The following ZZEF1 variants were observed in gnomAD, a reference collection of about 807,000 sequenced individuals.
ZZEF1 encodes zinc finger ZZ-type and EF-hand domain-containing protein 1.
Under a neutral mutation model 342.8 loss-of-function variants are expected in ZZEF1, and 157 were observed. The ratio of observed to expected loss-of-function variants is 0.46; its 90% CI spans 0.40 to 0.52. The LOEUF (loss-of-function observed/expected upper bound fraction) is 0.52, where lower values mean the gene tolerates loss of function less well. Ranked by LOEUF, ZZEF1 falls within the 20% of genes least tolerant of loss-of-function variation. The pLI, the probability that ZZEF1 is intolerant of heterozygous loss-of-function variation, is 0.00. For missense variants in ZZEF1, 3,480 were observed against 3,725.6 expected, an observed-to-expected ratio of 0.93 and a Z score of 1.72; for synonymous variants, 1,505 against 1,429.1, an observed-to-expected ratio of 1.05 and a Z score of -1.20.
At chr17:4,056,088 CT>C (rs2057153126) in intron 33 of ZZEF1, 127 bp downstream of exon 33, 2 of 1,074,238 alleles carry the variant, frequency 1.9e-6, no homozygotes, top group African/African-American at 3.3e-5. Flanking sequence ...TTGGGGACCC[CT>C]TCACTAGGGT....
intron 2 of ZZEF1, among the ~76,000 whole-genome samples, chr17:4,117,417 G>T (rs572370973): frequency 5.9e-5 from 9 of 152,012 alleles, no homozygotes; most frequent in African/African-American, 1.9e-4. Context: ...AGGCCGAGGC[G>T]GACGGATGAC....
chr17:4,070,335 C>T (rs183415744), intron 26 of ZZEF1, among the ~76,000 whole-genome samples: 7 of 152,304 alleles, frequency 4.6e-5, no homozygotes, highest in African/African-American at 1.2e-4. Context: ...GCAGAAAGGT[C>T]GTCTGATTAA....
chr17:4,058,336 T>C (rs2057212198), intron 31 of ZZEF1, among the ~76,000 whole-genome samples, 181 bp from the exon 32 acceptor site: 1 of 152,158 alleles, frequency 6.6e-6, no homozygotes, highest in Non-Finnish European at 1.5e-5. Context: ...TTACACAAAA[T>C]AACTCTGAAA....
Position 4,123,936 on chromosome 17 carries a change from C to CT in ZZEF1, c.469dup (p.Arg157LysfsTer24). 6.2e-7 allele frequency: 1 copy of CT among 1,614,000 alleles called. No individual in the cohort carries two copies. Among genetic ancestry groups the CT allele is most frequent in the Non-Finnish European group, 8.5e-7 (1 of 1,180,010 alleles). On this transcript the variant is annotated frameshift_variant, in exon 2 of 55. Transcript: ENST00000381638. LOFTEE classifies it high-confidence loss of function. ...AACCAGAGAGCAGGCCTGTAGTTGT[C>CT]TGATGATGTGGCTCAGCTCCCCCTG...
intron 3 of ZZEF1, among the ~76,000 whole-genome samples, chr17:4,115,872 C>A (rs982817370): frequency 2.6e-5 from 4 of 152,066 alleles, no homozygotes; most frequent in African/African-American, 9.7e-5. Flanking sequence ...ATTTATTAAT[C>A]TTTTCTTTCA....
At chr17:4,069,294 C>T (rs895891285) in intron 26 of ZZEF1, among the ~76,000 whole-genome samples, 2 of 152,088 alleles carry the variant, frequency 1.3e-5, no homozygotes, top group African/African-American at 2.4e-5. Context: ...ACATTCCCCC[C>T]GCCAAAACCA....
At chr17:4,071,001 C>T (rs2057498344) in intron 25 of ZZEF1, 77 bp from the exon 26 acceptor site, 1 of 1,531,230 alleles carries the variant, frequency 6.5e-7, no homozygotes, top group South Asian at 1.3e-5. Context: ...ACTATTAGGC[C>T]AAAGCAGAAG....
Position 4,026,484 on chromosome 17 carries a change from CA to C in ZZEF1, c.6893-1367del, listed in dbSNP as rs373313327. On this transcript the variant is annotated intron_variant, in intron 42 of 54. Transcript: ENST00000381638. ...ACAGCAGACTTCATCCCAGAATCTA[CA>C]CAAGCCAGAAGACAATAGACAAACA... Among the ~76,000 whole-genome samples the C allele has an allele frequency of 1.9e-3, 288 of 150,774 alleles. 1 individual carries two copies. The highest frequency in any genetic ancestry group is 6.6e-3 in the African/African-American group (273 of 41,206).
chr17:4,080,641 T>G (rs937520721), intron 18 of ZZEF1, among the ~76,000 whole-genome samples: 2 of 152,136 alleles, frequency 1.3e-5, no homozygotes, highest in Non-Finnish European at 2.9e-5. Context: ...CCGCCCACCT[T>G]GGCCTCCCAA....
intron 26 of ZZEF1, among the ~76,000 whole-genome samples, chr17:4,068,207 CTGTAG>C (rs2057439935): frequency 1.3e-5 from 2 of 152,170 alleles, no homozygotes; most frequent in South Asian, 4.1e-4. Context: ...AGTGGTGAGA[CTGTAG>C]CTGATAATTA....
Position 4,058,750 on chromosome 17 carries a change from C to T in ZZEF1, c.5003+421G>A, listed in dbSNP as rs145344528. On this transcript the variant is annotated intron_variant, in intron 31 of 54. Transcript: ENST00000381638. The stretch of plus-strand genomic sequence containing the variant: ...AATTAGCCGGGCATGGTGGCATGCA[C>T]CTGCAGTCCCAACTACTTAGGAAGC... Among the ~76,000 whole-genome samples the T allele has an allele frequency of 4.5e-4, 69 of 152,274 alleles. 1 individual carries two copies. The Middle Eastern group carries it at 0.014, about 30-fold the overall frequency.
intron 28 of ZZEF1, 65 bp downstream of exon 28, chr17:4,066,382 G>C (rs2057396012): frequency 7.1e-7 from 1 of 1,407,690 alleles, no homozygotes; most frequent in Admixed American, 1.7e-5. Context: ...GTGAGTAATT[G>C]GTTTTCCAGG....
intron 54 of ZZEF1, among the ~76,000 whole-genome samples, chr17:4,007,790 G>A (rs559582509): frequency 6.6e-6 from 1 of 152,228 alleles, no homozygotes; most frequent in Admixed American, 6.5e-5. Flanking sequence ...ACACGTCAAA[G>A]CCTACAACAG....
intron 3 of ZZEF1, among the ~76,000 whole-genome samples, chr17:4,115,400 C>T (rs937371700): frequency 5.9e-5 from 9 of 152,182 alleles, no homozygotes; most frequent in African/African-American, 1.9e-4. Context: ...CAGTGGCTCA[C>T]ACCTGTAATC....
At chr17:4,032,039 G>A (rs1039760365) in intron 42 of ZZEF1, 87 bp downstream of exon 42, 57 of 1,435,354 alleles carry the variant, frequency 4.0e-5, no homozygotes, top group Non-Finnish European at 5.2e-5. Context: ...CGCAGGCCAA[G>A]AGCCAAGGTA....
chr17:4,073,607 T>C (rs79366918), intron 24 of ZZEF1, among the ~76,000 whole-genome samples: 10,262 of 152,164 alleles, frequency 0.067, 459 homozygotes, highest in Admixed American at 0.12. Flanking sequence ...GGCTAATTTT[T>C]ACATTTTTTT....
rs2145646423 is a variant in ZZEF1, at chr17:4,142,853, C to G, written c.43G>C (p.Ala15Pro). The change falls in exon 1 of 55, where the codon GCT becomes CCT. Residue 15 changes from alanine (A) to proline (P), a missense_variant. Ala to Pro is a conservative substitution (Grantham distance 27, BLOSUM62 -1). Transcript: ENST00000381638. ...PSHSSEDEAAAAGGEGWGPHQ... is the reference protein window; with the variant it reads ...PSHSSEDEAAPAGGEGWGPHQ... Reference sequence around the variant, plus strand: ...GGGCCCCAGCCCTCGCCACCGGCAGCTGCCGCTTCGTCTTCACTGCTGTGA... The same window carrying G: ...GGGCCCCAGCCCTCGCCACCGGCAGGTGCCGCTTCGTCTTCACTGCTGTGA... The G allele has an allele frequency of 1.4e-6, 2 of 1,394,884 alleles. No homozygotes were observed. The highest frequency in any genetic ancestry group is 1.8e-6 in the Non-Finnish European group (2 of 1,083,510). 86.4% of individuals were successfully genotyped at this position (1,394,884 alleles called of 1,614,324 possible). A position where few individuals can be genotyped will look rare whatever the true frequency, so the allele number is the denominator to read the frequency against.
rs923997202 is a variant in ZZEF1 at position 4,040,836 on chromosome 17, C to A, written c.6306+1593G>T. 2.5e-4 allele frequency among the ~76,000 whole-genome samples: 38 copies of A among 152,104 alleles called. 1 individual carries two copies. The highest frequency in any genetic ancestry group is 2.0e-3 in the Admixed American group (30 of 15,258). On this transcript the variant is annotated intron_variant, in intron 39 of 54. Coordinates refer to ENST00000381638, the MANE Select transcript of ZZEF1 (RefSeq NM_015113.4). ...AGCTGAGATCCAGTCAGGAAAAGGT[C>A]ACTCTTACAGTGAAATTGGTAAAAT...
Position 4,121,270 on chromosome 17 carries a change from AT to A in ZZEF1, c.499+2636del, listed in dbSNP as rs746330282. On this transcript the variant is annotated intron_variant, in intron 2 of 54. Coordinates refer to ENST00000381638, the MANE Select transcript of ZZEF1 (RefSeq NM_015113.4). ...GTGTCCAAATAAAGCTCCTGATGCTATCCACATGCTGGTAATGCAAAAGTGG... is the reference window on the plus strand; with the variant it reads ...GTGTCCAAATAAAGCTCCTGATGCTACCACATGCTGGTAATGCAAAAGTGG... Among the ~76,000 whole-genome samples, 25 of 152,192 alleles carry A rather than the reference AT, an allele frequency of 1.6e-4. 1 individual carries two copies. The highest frequency in any genetic ancestry group is 1.3e-3 in the East Asian group (7 of 5,200).
Sources: gnomAD v4.1 joint callset for allele counts (sites outside exome capture counted in the v4.1 genomes callset) on GRCh38, gnomAD v4.1.1 for gene constraint, MANE v1.5 for transcripts, NCBI Gene and HGNC (gene_info 2026-07-23, HGNC 2026-07-21) for gene names.